EPAS1: variants seen among roughly 807,000 people sequenced by gnomAD.
EPAS1 encodes endothelial PAS domain-containing protein 1.
Under a neutral mutation model 87.9 loss-of-function variants are expected in EPAS1, and 23 were observed. The observed-to-expected ratio is 0.26, with a 90% CI of 0.19 to 0.37. EPAS1 has a LOEUF of 0.37. EPAS1 is among the 10% of genes least tolerant of loss of function. The pLI is 1.00. For synonymous variants in EPAS1, 508 were observed against 444.3 expected (o/e 1.14, Z -1.80); for missense variants, 1,138 against 1,120.7 (o/e 1.02, Z -0.22).
rs182405852 is a variant in EPAS1 at position 46,360,584 on chromosome 2, G to T, written c.455-54G>T. The T allele has an allele frequency of 2.7e-6, 4 of 1,492,584 alleles. No individual in the cohort carries two copies. The highest frequency in any genetic ancestry group is 4.5e-5 in the East Asian group (2 of 44,304). 92.5% of individuals were successfully genotyped at this position (1,492,584 alleles called of 1,614,324 possible). On this transcript the variant is annotated intron_variant, in intron 4 of 15. Coordinates refer to ENST00000263734, the MANE Select transcript of EPAS1 (RefSeq NM_001430.5). This position sits in a 1 kb window ranked among gnomAD's most constrained non-coding sequence, Gnocchi z 4.5. ...AAAACTGCAGCTGGGCCCCTCTCAT[G>T]AATATCCATATAAAACTGACTTCAG... is the stretch of plus-strand genomic sequence containing the variant.
At chr2:46,369,235 C>G (rs1684570981) in intron 6 of EPAS1, among the ~76,000 whole-genome samples, 1 of 152,308 alleles carries the variant, frequency 6.6e-6, no homozygotes. Context: ...CAGGCAGGAC[C>G]TGCAGAAAAG....
At position 46,386,412 on chromosome 2, in the gene EPAS1, AC is replaced by A. The variant is rs1433627228; in HGVS notation, c.*1756del. ...AATCATATTTTAGCTGCACGGCATTACCCCACACAGGGTGGCAGAACTTGAA... is the reference window on the plus strand; with the variant it reads ...AATCATATTTTAGCTGCACGGCATTACCCACACAGGGTGGCAGAACTTGAA... On this transcript the variant is annotated 3_prime_UTR_variant, in exon 16 of 16. Coordinates refer to ENST00000263734, the MANE Select transcript of EPAS1 (RefSeq NM_001430.5). 3.1e-4 allele frequency: 47 copies of A among 152,630 alleles called. No individual in the cohort carries two copies. Among genetic ancestry groups the A allele is most frequent in the Admixed American group, 1.3e-4 (2 of 15,286 alleles). 9.5% of individuals were successfully genotyped at this position (152,630 alleles called of 1,614,324 possible).
At chr2:46,313,104 G>A (rs1057206105) in intron 1 of EPAS1, among the ~76,000 whole-genome samples, 4 of 152,200 alleles carry the variant, frequency 2.6e-5, no homozygotes, top group South Asian at 2.1e-4. Flanking sequence ...GAAACAGAGC[G>A]AATGTTGACA....
At chr2:46,348,302 A>G (rs1684079391) in intron 2 of EPAS1, among the ~76,000 whole-genome samples, 1 of 152,162 alleles carries the variant, frequency 6.6e-6, no homozygotes, top group Non-Finnish European at 1.5e-5. Context: ...TGGCAGATAC[A>G]TGATCCTAGA....
At chr2:46,320,894 A>G (rs80139967) in intron 1 of EPAS1, among the ~76,000 whole-genome samples, 135 of 152,358 alleles carry the variant, frequency 8.9e-4, no homozygotes, top group Middle Eastern at 3.4e-3. Context: ...TACATAACAA[A>G]AAATGTTTAC....
chr2:46,299,831 G>A (rs1682960997), intron 1 of EPAS1, among the ~76,000 whole-genome samples: 1 of 152,226 alleles, frequency 6.6e-6, no homozygotes, highest in Non-Finnish European at 1.5e-5. Flanking sequence ...TGGAAAGAGA[G>A]AAGAAGCGGG....
At chr2:46,297,961 A>AG in intron 1 of EPAS1, 24 bp downstream of exon 1, 3 of 1,611,232 alleles carry the variant, frequency 1.9e-6, no homozygotes, top group Non-Finnish European at 2.5e-6. Context: ...CGGGCCGATC[A>AG]GGGGGCCGGT....
At chr2:46,382,708 G>T in intron 15 of EPAS1, 110 bp downstream of exon 15, 1 of 1,427,980 alleles carries the variant, frequency 7.0e-7, no homozygotes, top group Non-Finnish European at 9.6e-7. Context: ...GGAGGTGCTT[G>T]ACTTGAAGTC....
chr2:46,382,318 C>G (rs551231674), intron 14 of EPAS1, 107 bp from the exon 15 acceptor site: 21 of 1,438,982 alleles, frequency 1.5e-5, no homozygotes, highest in East Asian at 1.4e-4. Context: ...GGCTGTAGTT[C>G]TGGTGACTCT....
chr2:46,383,051 C>A (rs1684938172), intron 15 of EPAS1, among the ~76,000 whole-genome samples: 1 of 152,184 alleles, frequency 6.6e-6, no homozygotes, highest in Non-Finnish European at 1.5e-5. Context: ...TGGGCAGAGG[C>A]AGGGGATCTC....
chr2:46,364,035 G>A (rs1684455089), intron 6 of EPAS1, among the ~76,000 whole-genome samples: 1 of 152,154 alleles, frequency 6.6e-6, no homozygotes, highest in African/African-American at 2.4e-5. Context: ...TTTGGTTTTG[G>A]TAGCTTGTTT....
intron 1 of EPAS1, among the ~76,000 whole-genome samples, chr2:46,321,058 C>G (rs989875766): frequency 6.6e-6 from 1 of 152,190 alleles, no homozygotes. Flanking sequence ...ATGCTCCAAT[C>G]CCCGATAATC....
At position 46,316,259 on chromosome 2, in the gene EPAS1, CT is replaced by C. The variant is rs1322995871; in HGVS notation, c.26+18333del. Among the ~76,000 whole-genome samples the C allele has an allele frequency of 1.3e-3, 191 of 145,580 alleles. 1 individual carries two copies. The highest frequency in any genetic ancestry group is 2.2e-3 in the Admixed American group (32 of 14,610). On this transcript the variant is annotated intron_variant, in intron 1 of 15. Transcript: ENST00000263734. ...ATGTCTAAAAAACAATGTACATACC[CT>C]TTTTTTTTTTCTTTTTGAGACACAG...
intron 1 of EPAS1, among the ~76,000 whole-genome samples, chr2:46,307,397 G>T (rs1192038559): frequency 2.6e-5 from 4 of 152,154 alleles, no homozygotes; most frequent in Non-Finnish European, 5.9e-5. Flanking sequence ...AAGTATGAAG[G>T]TCACATTTCA....
At position 46,378,665 on chromosome 2, in the gene EPAS1, C is replaced by T. The variant is rs768953856; in HGVS notation, c.1452C>T (p.Ser484=). The T allele has an allele frequency of 1.2e-6, 2 of 1,613,674 alleles. No individual in the cohort carries two copies. The highest frequency in any genetic ancestry group is 3.3e-5 in the Admixed American group (2 of 60,028). ...SSSSSCSTPN[S]PEDYYTSLDN... ...TCCTTCCTGGCCCCTAGCCCAATAG[C>T]CCTGAAGACTATTACACATCTTTGG... Residue 484 remains serine, a synonymous_variant, in exon 11 of 16, where the codon AGC becomes AGT. Transcript: ENST00000263734.
intron 4 of EPAS1, among the ~76,000 whole-genome samples, chr2:46,359,016 T>A (rs1684329810): frequency 6.6e-6 from 1 of 152,010 alleles, no homozygotes; most frequent in Non-Finnish European, 1.5e-5. Flanking sequence ...ATCCCAGGAC[T>A]TTCGGAGGCC....
chr2:46,384,890 A>C lies in EPAS1; in HGVS notation c.*230A>C. 5.1e-6 allele frequency: 3 copies of C among 585,898 alleles called. No individual in the cohort carries two copies. Among genetic ancestry groups the C allele is most frequent in the Non-Finnish European group, 8.9e-6 (3 of 336,028 alleles). The allele number at this position is 585,898 out of a possible 1,614,324, so 36.3% of individuals were successfully genotyped here. On this transcript the variant is annotated 3_prime_UTR_variant, in exon 16 of 16. Coordinates refer to ENST00000263734, the MANE Select transcript of EPAS1 (RefSeq NM_001430.5). ...TTTTACCTGTTCTGAAATGTTCTTAAATTTTGTAGGATTTTTTTCCTCCCC... is the reference window on the plus strand; with the variant it reads ...TTTTACCTGTTCTGAAATGTTCTTACATTTTGTAGGATTTTTTTCCTCCCC...
At chr2:46,302,734 GAAAAAAAAAA>G (rs368452487) in intron 1 of EPAS1, among the ~76,000 whole-genome samples, 5 of 119,534 alleles carry the variant, frequency 4.2e-5, no homozygotes, top group South Asian at 5.3e-4. Context: ...GTCTGATTAG[GAAAAAAAAAA>G]AAAAAAAAAA....
intron 15 of EPAS1, among the ~76,000 whole-genome samples, chr2:46,383,276 G>A (rs894117293): frequency 2.0e-5 from 3 of 152,208 alleles, no homozygotes; most frequent in African/African-American, 7.2e-5. Flanking sequence ...ACTTCCTTCA[G>A]GTAGAACAGC....
Sources: allele counts gnomAD v4.1 joint callset (sites outside exome capture counted in the v4.1 genomes callset), GRCh38; gene constraint gnomAD v4.1.1; non-coding constraint Gnocchi (gnomAD v3.1); transcripts MANE v1.5; gene names NCBI Gene and HGNC (gene_info 2026-07-23, HGNC 2026-07-21).